Variants in NAV2 observed in about 807,000 individuals in gnomAD.
NAV2 encodes neuron navigator 2.
NAV2 carries 54 observed loss-of-function variants against 223.2 expected under a neutral mutation model. The observed-to-expected ratio is 0.24, with a 90% confidence interval of 0.19 to 0.30. The LOEUF is 0.30. Among genes scored for constraint, NAV2 ranks in the 10% least tolerant of loss-of-function variants. NAV2 has a pLI of 1.00. For synonymous variants in NAV2, 1,279 were observed against 1,239.3 expected (o/e 1.03, Z -0.67); for missense variants, 2,806 against 3,147.5 (o/e 0.89, Z 2.60).
chr11:19,991,965 T>C (rs1400026037), intron 11 of NAV2, among the ~76,000 whole-genome samples: 1 of 152,236 alleles, frequency 6.6e-6, no homozygotes, highest in African/African-American at 2.4e-5. Context: ...CTTTCTGTTA[T>C]ACTATTAGTG....
chr11:19,994,119 A>G (rs2051621411), intron 11 of NAV2, among the ~76,000 whole-genome samples: 1 of 152,210 alleles, frequency 6.6e-6, no homozygotes. Context: ...AAATGCAGGA[A>G]ATTTCCTTTT....
At chr11:19,830,285 A>G (rs528634834) in intron 1 of NAV2, among the ~76,000 whole-genome samples, 1 of 152,334 alleles carries the variant, frequency 6.6e-6, no homozygotes, top group East Asian at 1.9e-4. Context: ...TAATAGAGGC[A>G]TGAACCTAGA....
chr11:19,870,207 T>C (rs796304477), intron 4 of NAV2, among the ~76,000 whole-genome samples: 55 of 152,162 alleles, frequency 3.6e-4, no homozygotes, highest in African/African-American at 1.3e-3. Flanking sequence ...CCCTCATCCA[T>C]GGGGATAAGA....
intron 3 of NAV2, among the ~76,000 whole-genome samples, chr11:19,863,653 G>C (rs2707093): frequency 0.97 from 148,353 of 152,280 alleles, 72,371 homozygotes; most frequent in East Asian, 1. Flanking sequence ...CCCCTTGGCC[G>C]TGCTGCACCC....
rs1555075651 is a variant in NAV2 at position 19,818,262 on chromosome 11, T to TTA, written c.268-14222_268-14221insTA. On this transcript the variant is annotated intron_variant, in intron 1 of 37. Coordinates refer to ENST00000349880, the MANE Select transcript of NAV2 (RefSeq NM_145117.5). The stretch of plus-strand genomic sequence containing the variant: ...TTTTTTTTTTTTTTTTTTTTTTTTT[T>TTA]ACTCCATCTCACCTGTCTATACTCA... Among the ~76,000 whole-genome samples the TTA allele has an allele frequency of 1.7e-3, 194 of 114,102 alleles. 1 individual carries two copies. The highest frequency in any genetic ancestry group is 3.4e-3 in the Non-Finnish European group (175 of 51,560). The allele number at this position is 114,102 out of a possible 152,430, so 74.9% of individuals were successfully genotyped here.
chr11:19,500,132 C>T (rs1433896437), intron 1 of NAV2, among the ~76,000 whole-genome samples: 3 of 152,144 alleles, frequency 2.0e-5, no homozygotes, highest in South Asian at 2.1e-4. Context: ...ATGGTATTTT[C>T]GGAGATATGT....
chr11:19,834,514 A>C (rs979020519), intron 2 of NAV2, among the ~76,000 whole-genome samples: 5 of 151,956 alleles, frequency 3.3e-5, no homozygotes, highest in African/African-American at 1.2e-4. Context: ...CTAAGAATAA[A>C]TAACAAATGT....
At chr11:19,408,728 A>G (rs1850008303) in intron 1 of NAV2, among the ~76,000 whole-genome samples, 1 of 152,208 alleles carries the variant, frequency 6.6e-6, no homozygotes, top group Admixed American at 6.5e-5. Flanking sequence ...AGAGATTAAG[A>G]ATTCTGCCCA....
intron 8 of NAV2, among the ~76,000 whole-genome samples, chr11:19,941,855 C>T (rs1243282237): frequency 1.3e-5 from 2 of 152,112 alleles, no homozygotes; most frequent in Non-Finnish European, 2.9e-5. Context: ...TTTCCAATCA[C>T]CGGATATAAT....
intron 1 of NAV2, among the ~76,000 whole-genome samples, chr11:19,685,264 A>G (rs1448676262): frequency 1.3e-5 from 2 of 152,154 alleles, no homozygotes; most frequent in Non-Finnish European, 2.9e-5. Flanking sequence ...TTCCAGCCAA[A>G]TGGGAGTTTT....
chr11:19,532,122 G>A (rs2044044075), intron 1 of NAV2, among the ~76,000 whole-genome samples: 2 of 152,224 alleles, frequency 1.3e-5, no homozygotes, highest in South Asian at 2.1e-4. Context: ...TTTTGAGCAG[G>A]GAGATTCATG....
chr11:19,714,643 G>A, intron 1 of NAV2: 1 of 369,554 alleles, frequency 2.7e-6, no homozygotes, highest in Admixed American at 3.3e-5. Flanking sequence ...TCAGAATGGC[G>A]GCCGAAGCTA....
Position 20,005,799 on chromosome 11 carries a change from C to T in NAV2, c.2768+21552C>T, listed in dbSNP as rs139603866. 4.8e-3 allele frequency among the ~76,000 whole-genome samples: 730 copies of T among 152,274 alleles called. 3 individuals are homozygous for T. Among genetic ancestry groups the T allele is most frequent in the African/African-American group, 0.017 (705 of 41,536 alleles). The stretch of plus-strand genomic sequence containing the variant: ...ATGAGGCTCAGAGAAGTGAACTTGC[C>T]TGAGGTCGGACAGCTGGGTAAGCTA... On this transcript the variant is annotated intron_variant, in intron 11 of 37. Transcript: ENST00000349880.
In NAV2 at chr11:19,934,075, A is replaced by G. The variant is rs1565590514; in HGVS notation, c.1831A>G (p.Ser611Gly). 1.2e-6 allele frequency: 2 copies of G among 1,611,212 alleles called. No homozygotes were observed. Among genetic ancestry groups the G allele is most frequent in the Non-Finnish European group, 1.7e-6 (2 of 1,178,632 alleles). The change falls in exon 7 of 38, where the codon AGT becomes GGT. Residue 611 changes from serine (S) to glycine (G), a missense_variant. By Grantham distance (56) the Ser-to-Gly change is moderately conservative. Coordinates refer to ENST00000349880, the MANE Select transcript of NAV2 (RefSeq NM_145117.5). ...QKPQLDGRHS[S>G]SSSSLASSEG... is the part of the protein sequence containing the mutation. ...GCCCCAGCTGGACGGCAGACACTCC[A>G]GTTCCTCTTCCAGCCTGGCGTCCTC...
chr11:19,874,738 A>G (rs1390111349), intron 4 of NAV2, among the ~76,000 whole-genome samples: 2 of 152,258 alleles, frequency 1.3e-5, no homozygotes, highest in African/African-American at 4.8e-5. Flanking sequence ...AGAAAATTAA[A>G]CAGTTATAAT....
At chr11:19,433,621 G>GT (rs1564932607) in intron 1 of NAV2, among the ~76,000 whole-genome samples, 2 of 152,220 alleles carry the variant, frequency 1.3e-5, no homozygotes, top group African/African-American at 4.8e-5. Flanking sequence ...AAAGGCGGTG[G>GT]TATGGACCAA....
At chr11:19,431,413 A>G (rs1421722823) in intron 1 of NAV2, among the ~76,000 whole-genome samples, 1 of 152,234 alleles carries the variant, frequency 6.6e-6, no homozygotes, top group African/African-American at 2.4e-5. Flanking sequence ...TGCTATGCTG[A>G]GAAATGAGAC....
chr11:19,987,430 GTGATTAGACC>G (rs1364403052), intron 11 of NAV2, among the ~76,000 whole-genome samples: 2 of 152,208 alleles, frequency 1.3e-5, no homozygotes, highest in Admixed American at 6.5e-5. Context: ...AAAGTACTGA[GTGATTAGACC>G]TGATTAGACC....
chr11:19,412,538 A>C (rs1041683384), intron 1 of NAV2, among the ~76,000 whole-genome samples: 1 of 152,122 alleles, frequency 6.6e-6, no homozygotes, highest in Non-Finnish European at 1.5e-5. Flanking sequence ...CTCTGAAGAG[A>C]GCAGTGGATC....
Sources: allele counts gnomAD v4.1 joint callset (sites outside exome capture counted in the v4.1 genomes callset), GRCh38; gene constraint gnomAD v4.1.1; transcripts MANE v1.5; gene names NCBI Gene and HGNC (gene_info 2026-07-23, HGNC 2026-07-21).